NDUFA5: variants seen among roughly 807,000 people sequenced by gnomAD.
NDUFA5 encodes NADH:ubiquinone oxidoreductase subunit A5, also known as NADH dehydrogenase [ubiquinone] 1 alpha subcomplex subunit 5.
Under a neutral mutation model 19.8 loss-of-function variants are expected in NDUFA5, and 11 were observed. That is an observed-to-expected ratio of 0.56 (90% CI 0.35 to 0.92). NDUFA5 has a LOEUF of 0.92. Among genes scored for constraint, NDUFA5 ranks in the 40% least tolerant of loss-of-function variants. The pLI is 0.01. For synonymous variants in NDUFA5, 47 were observed against 46.8 expected (o/e 1.00, Z -0.01); for missense variants, 109 against 134.2 (o/e 0.81, Z 0.93).
chr7:123,573,460 G>T, the NDUFA5 span, among the ~76,000 whole-genome samples: 2 of 151,688 alleles, frequency 1.3e-5, no homozygotes, highest in Admixed American at 1.3e-4. Flanking sequence ...TCTTGTCTTG[G>T]GGCCTCTGAA....
intron 3 of NDUFA5, among the ~76,000 whole-genome samples, chr7:123,547,184 G>T (rs1282741824): frequency 6.6e-6 from 1 of 152,086 alleles, no homozygotes; most frequent in Non-Finnish European, 1.5e-5. Context: ...CCCTGATGTT[G>T]ATTTCCAACT....
the NDUFA5 span, among the ~76,000 whole-genome samples, chr7:123,568,772 A>G: frequency 6.6e-6 from 1 of 152,156 alleles, no homozygotes; most frequent in African/African-American, 2.4e-5. Flanking sequence ...GAATATACAA[A>G]TCAACAAAAT....
upstream of NDUFA5, among the ~76,000 whole-genome samples, chr7:123,561,032 A>G (rs575004585): frequency 1.3e-5 from 2 of 152,366 alleles, no homozygotes; most frequent in South Asian, 4.1e-4. Context: ...ATTGTTGGAA[A>G]TACTAAAGAT....
At chr7:123,544,381 C>T (rs1697526699) in intron 4 of NDUFA5, among the ~76,000 whole-genome samples, 1 of 151,676 alleles carries the variant, frequency 6.6e-6, no homozygotes, top group Admixed American at 6.6e-5. Context: ...GCCTGTAATC[C>T]TAGCTACTTA....
In NDUFA5 at chr7:123,541,219, G is replaced by A. The variant is rs1322003778; in HGVS notation, c.*900C>T. ...AGATGTTTTGAATATAAGCCTATCC[G>A]TATGCCAGATATAAATTTCAGGAAC... On this transcript the variant is annotated 3_prime_UTR_variant, in exon 5 of 5. Transcript: ENST00000355749. The A allele has an allele frequency of 1.3e-5, 2 of 152,044 alleles. No homozygotes were observed. The highest frequency in any genetic ancestry group is 6.6e-5 in the Admixed American group (1 of 15,250). 9.4% of individuals were successfully genotyped at this position (152,044 alleles called of 1,614,324 possible).
At chr7:123,556,627 T>C in intron 2 of NDUFA5, 1 of 280,066 alleles carries the variant, frequency 3.6e-6, no homozygotes, top group Non-Finnish European at 7.1e-6. Flanking sequence ...AAAACGCTGC[T>C]ATTAGGTCAA....
the NDUFA5 span, among the ~76,000 whole-genome samples, chr7:123,591,014 C>T: frequency 1.3e-5 from 2 of 152,116 alleles, no homozygotes; most frequent in African/African-American, 4.8e-5. Flanking sequence ...AGGTCCTTCA[C>T]GTCCCCTGTA....
At chr7:123,556,434 C>T (rs770490951) in intron 2 of NDUFA5, 11 of 163,032 alleles carry the variant, frequency 6.7e-5, no homozygotes, top group Non-Finnish European at 1.3e-4. Context: ...GAGTACAGGT[C>T]CAAAAGAAAA....
At chr7:123,570,566 C>T in the NDUFA5 span, among the ~76,000 whole-genome samples, 53 of 152,288 alleles carry the variant, frequency 3.5e-4, no homozygotes, top group African/African-American at 1.2e-3. Flanking sequence ...TTCTGACGTC[C>T]TCACTCACTC....
At chr7:123,566,186 C>T in the NDUFA5 span, among the ~76,000 whole-genome samples, 3 of 152,104 alleles carry the variant, frequency 2.0e-5, no homozygotes, top group Non-Finnish European at 4.4e-5. Context: ...GTACCACTAG[C>T]AAAGATGAAG....
At chr7:123,563,345 T>C in the NDUFA5 span, among the ~76,000 whole-genome samples, 1 of 152,174 alleles carries the variant, frequency 6.6e-6, no homozygotes, top group Non-Finnish European at 1.5e-5. Context: ...TTAACTGGCC[T>C]AATTTCAACA....
the NDUFA5 span, among the ~76,000 whole-genome samples, chr7:123,576,246 C>T: frequency 4.9e-4 from 74 of 151,192 alleles, no homozygotes; most frequent in Non-Finnish European, 8.6e-4. Context: ...GAGTTTGCAG[C>T]TTTAATTTGA....
chr7:123,597,898 A>G, the NDUFA5 span, among the ~76,000 whole-genome samples: 56 of 136,040 alleles, frequency 4.1e-4, no homozygotes, highest in African/African-American at 1.5e-3. Flanking sequence ...ATGTAAAACC[A>G]TTTTCTCTTT....
chr7:123,568,531 A>G, the NDUFA5 span, among the ~76,000 whole-genome samples: 1 of 152,070 alleles, frequency 6.6e-6, no homozygotes, highest in Non-Finnish European at 1.5e-5. Context: ...CAAGAAAAAA[A>G]AAAAAAAAGA....
intron 4 of NDUFA5, among the ~76,000 whole-genome samples, chr7:123,545,224 G>A (rs1387430860): frequency 2.0e-5 from 3 of 151,944 alleles, no homozygotes; most frequent in Non-Finnish European, 2.9e-5. Context: ...AAAAATAAAA[G>A]TACATTTTAA....
the NDUFA5 span, among the ~76,000 whole-genome samples, chr7:123,578,584 T>C: frequency 6.7e-6 from 1 of 149,708 alleles, no homozygotes; most frequent in Admixed American, 6.6e-5. Flanking sequence ...AGACTGATAT[T>C]TTTCCTTATT....
At chr7:123,555,657 GCAAGACA>G (rs1336716730) in intron 2 of NDUFA5, 1 of 152,188 alleles carries the variant, frequency 6.6e-6, no homozygotes, top group Non-Finnish European at 1.5e-5. Context: ...CATAGGAAGT[GCAAGACA>G]CTCATTCAAC....
At chr7:123,566,903 C>G in the NDUFA5 span, 4 of 152,164 alleles carry the variant, frequency 2.6e-5, no homozygotes, top group Admixed American at 2.6e-4. Flanking sequence ...AGGTCATAGT[C>G]TTTGTTCCCT....
chr7:123,561,617 T>C (rs2116231822), upstream of NDUFA5, among the ~76,000 whole-genome samples: 1 of 152,290 alleles, frequency 6.6e-6, no homozygotes, highest in East Asian at 1.9e-4. Context: ...CAATTTTTTT[T>C]TTGAGACAGA....
Sources: allele counts gnomAD v4.1 joint callset (sites outside exome capture counted in the v4.1 genomes callset), GRCh38; gene constraint gnomAD v4.1.1; transcripts MANE v1.5; gene names NCBI Gene and HGNC (gene_info 2026-07-23, HGNC 2026-07-21).